The following STAMBPL1 variants were observed in gnomAD, a reference collection of about 807,000 sequenced individuals.
STAMBPL1 encodes the protein STAM binding protein like 1.
A neutral mutation model predicts 52.9 loss-of-function variants in STAMBPL1; 44 were observed. That is an observed-to-expected ratio of 0.83 (90% CI 0.65 to 1.07). The LOEUF is 1.07. Ranked by LOEUF, STAMBPL1 falls within the 50% of genes least tolerant of loss-of-function variation. The pLI is 0.00. For missense variants in STAMBPL1, 511 were observed against 520.8 expected, an observed-to-expected ratio of 0.98 and a Z score of 0.18; for synonymous variants, 164 against 177.3, an observed-to-expected ratio of 0.92 and a Z score of 0.60.
intron 6 of STAMBPL1, among the ~76,000 whole-genome samples, chr10:88,913,916 A>G (rs1040147603): frequency 6.6e-6 from 1 of 152,212 alleles, no homozygotes; most frequent in Admixed American, 6.5e-5. Flanking sequence ...CACATAGATA[A>G]TTAACCTCCA....
chr10:88,896,207 T>C (rs2133148225), intron 1 of STAMBPL1, among the ~76,000 whole-genome samples: 1 of 152,360 alleles, frequency 6.6e-6, no homozygotes, highest in South Asian at 2.1e-4. Context: ...ATATTTCTGA[T>C]TGCAGATATT....
At chr10:88,886,678 G>T (rs1187031912) in intron 1 of STAMBPL1, among the ~76,000 whole-genome samples, 2 of 152,120 alleles carry the variant, frequency 1.3e-5, no homozygotes, top group African/African-American at 4.8e-5. Flanking sequence ...GGTTAATTTA[G>T]AAACAGGAGG....
chr10:88,886,937 T>G (rs1844549610), intron 1 of STAMBPL1, among the ~76,000 whole-genome samples: 2 of 152,226 alleles, frequency 1.3e-5, no homozygotes, highest in African/African-American at 2.4e-5. Flanking sequence ...ATTTATCCTG[T>G]CACTACAACT....
chr10:88,893,973 C>T (rs1040770790), intron 1 of STAMBPL1: 1 of 152,080 alleles, frequency 6.6e-6, no homozygotes, highest in Admixed American at 6.5e-5. Context: ...CTCCTGTGCA[C>T]TTAGAGTCCC....
intron 8 of STAMBPL1, among the ~76,000 whole-genome samples, chr10:88,918,159 G>C (rs1845416098): frequency 1.3e-5 from 2 of 151,982 alleles, no homozygotes; most frequent in Non-Finnish European, 2.9e-5. Context: ...CACTGAGATG[G>C]GATACTGGCC....
At chr10:88,906,527 T>C (rs1845079447) in intron 3 of STAMBPL1, among the ~76,000 whole-genome samples, 1 of 152,238 alleles carries the variant, frequency 6.6e-6, no homozygotes, top group Non-Finnish European at 1.5e-5. Flanking sequence ...TTATATGTAT[T>C]TGTGGTATGC....
chr10:88,906,276 G>A (rs10509558), intron 3 of STAMBPL1, among the ~76,000 whole-genome samples: 8,218 of 152,296 alleles, frequency 0.054, 571 homozygotes, highest in African/African-American at 0.16. Flanking sequence ...AGCCATGTCA[G>A]AGTATCATGT....
At chr10:88,904,119 C>G (rs921406904) in intron 2 of STAMBPL1, among the ~76,000 whole-genome samples, 18 of 152,202 alleles carry the variant, frequency 1.2e-4, no homozygotes, top group Admixed American at 1.0e-3. Flanking sequence ...GTGCTCCACC[C>G]ACACAGTAGT....
chr10:88,889,693 C>T (rs183193337), intron 1 of STAMBPL1, among the ~76,000 whole-genome samples: 3 of 152,208 alleles, frequency 2.0e-5, no homozygotes, highest in Admixed American at 1.3e-4. Context: ...TTTTATACAA[C>T]CTTTACCCTG....
chr10:88,906,490 A>T (rs1217650315), intron 3 of STAMBPL1, among the ~76,000 whole-genome samples: 1 of 152,194 alleles, frequency 6.6e-6, no homozygotes, highest in Non-Finnish European at 1.5e-5. Flanking sequence ...ATTATTTATT[A>T]ATTTTATTTA....
At chr10:88,896,921 G>GA (rs970969734) in intron 1 of STAMBPL1, among the ~76,000 whole-genome samples, 7 of 152,002 alleles carry the variant, frequency 4.6e-5, no homozygotes, top group African/African-American at 7.3e-5. Flanking sequence ...AATTAAGGCT[G>GA]AAAAAATCAC....
At chr10:88,901,784 AAAG>A (rs773139288) in intron 2 of STAMBPL1, 46 bp downstream of exon 2, 15 of 1,578,738 alleles carry the variant, frequency 9.5e-6, no homozygotes, top group East Asian at 2.2e-5. Flanking sequence ...GAAAGCCCAA[AAAG>A]AAGAACAGAA....
chr10:88,910,960 C>T lies in STAMBPL1; in HGVS notation c.369C>T (p.Asn123=), dbSNP rs764859212. ...IAFPRTDELK[N]DLLKKYNVEY... Reference sequence around the variant, plus strand: ...TCCCAAGGACAGATGAATTGAAAAACGACCTTTTAAAGAAATATAACGTAG... The same window carrying T: ...TCCCAAGGACAGATGAATTGAAAAATGACCTTTTAAAGAAATATAACGTAG... Residue 123 remains asparagine (N), a synonymous_variant, in exon 5 of 11, where the codon AAC becomes AAT. Transcript: ENST00000371926. 1.0e-5 allele frequency: 16 copies of T among 1,596,484 alleles called. No individual in the cohort carries two copies. The highest frequency in any genetic ancestry group is 2.7e-5 in the African/African-American group (2 of 74,018).
chr10:88,906,499 T>G (rs1845078756), intron 3 of STAMBPL1, among the ~76,000 whole-genome samples: 1 of 152,254 alleles, frequency 6.6e-6, no homozygotes, highest in Admixed American at 6.5e-5. Flanking sequence ...TAATTTTATT[T>G]AAGTTGACAA....
At chr10:88,906,298 C>G (rs971784571) in intron 3 of STAMBPL1, among the ~76,000 whole-genome samples, 10 of 152,208 alleles carry the variant, frequency 6.6e-5, no homozygotes, top group African/African-American at 2.4e-4. Context: ...TCCTATTAGA[C>G]AGATATTTGT....
rs1589363913 is a variant in STAMBPL1, at chr10:88,901,631, G to A, written c.-53-25G>A. The A allele has an allele frequency of 6.6e-6, 10 of 1,509,744 alleles. No homozygotes were observed. In the East Asian group the frequency reaches 1.6e-4, roughly 25 times the overall value. 93.5% of individuals were successfully genotyped at this position (1,509,744 alleles called of 1,614,324 possible). ...ACTTGGGTCTCAAAAAATAACTTTAGTTCTGCTTCTTGTTTTTGAAACAGA... is the reference window on the plus strand; with the variant it reads ...ACTTGGGTCTCAAAAAATAACTTTAATTCTGCTTCTTGTTTTTGAAACAGA... On this transcript the variant is annotated intron_variant, in intron 1 of 10. Transcript: ENST00000371926.
chr10:88,901,867 G>A (rs1589364154), intron 2 of STAMBPL1, 129 bp downstream of exon 2: 1 of 821,836 alleles, frequency 1.2e-6, no homozygotes, highest in Non-Finnish European at 1.9e-6. Context: ...ATCCATCTGT[G>A]TGGTTGTCTT....
intron 1 of STAMBPL1, among the ~76,000 whole-genome samples, chr10:88,881,702 G>T (rs192322741): frequency 2.5e-4 from 38 of 152,252 alleles, no homozygotes; most frequent in African/African-American, 9.1e-4. Context: ...TTGAGGGTAG[G>T]TTTTGACGGT....
intron 1 of STAMBPL1, among the ~76,000 whole-genome samples, chr10:88,894,903 C>T (rs7910708): frequency 0.082 from 12,506 of 152,138 alleles, 1,153 homozygotes; most frequent in African/African-American, 0.22. Flanking sequence ...TCTTTTGTCA[C>T]GGGATTCATA....
Sources: allele counts gnomAD v4.1 joint callset (sites outside exome capture counted in the v4.1 genomes callset), GRCh38; gene constraint gnomAD v4.1.1; transcripts MANE v1.5; gene names NCBI Gene and HGNC (gene_info 2026-07-23, HGNC 2026-07-21).